THAP4: variants seen among roughly 807,000 people sequenced by gnomAD.
The protein encoded by THAP4 is peroxynitrite isomerase THAP4.
Under a neutral mutation model 48.1 loss-of-function variants are expected in THAP4, and 18 were observed. That is an observed-to-expected ratio of 0.37 (90% CI 0.26 to 0.56). The LOEUF (loss-of-function observed/expected upper bound fraction) is 0.56. Ranked by LOEUF, THAP4 falls within the 20% of genes least tolerant of loss-of-function variation. The pLI, the probability that THAP4 is intolerant of heterozygous loss-of-function variation, is 0.78. For synonymous variants in THAP4, 345 were observed against 324.9 expected (o/e 1.06, Z -0.66); for missense variants, 656 against 774.9 (o/e 0.85, Z 1.82).
intron 5 of THAP4, among the ~76,000 whole-genome samples, chr2:241,600,975 TA>T (rs35094187): frequency 0.34 from 49,086 of 145,704 alleles, 8,252 homozygotes; most frequent in South Asian, 0.46. Flanking sequence ...TACAAATCTT[TA>T]AAAAAAAAAA....
chr2:241,625,201 G>A (rs1479515278), intron 2 of THAP4, among the ~76,000 whole-genome samples: 2 of 152,136 alleles, frequency 1.3e-5, no homozygotes, highest in African/African-American at 4.8e-5. Context: ...CAGGCCGGGT[G>A]TGGTGGCTCA....
chr2:241,636,025 A>G (rs2067642436), intron 1 of THAP4, among the ~76,000 whole-genome samples: 1 of 152,156 alleles, frequency 6.6e-6, no homozygotes, highest in Admixed American at 6.5e-5. Flanking sequence ...CCGTTGCAAC[A>G]CGTTGCCTCG....
At chr2:241,611,628 G>C (rs544725791) in intron 2 of THAP4, among the ~76,000 whole-genome samples, 2 of 151,734 alleles carry the variant, frequency 1.3e-5, no homozygotes, top group African/African-American at 4.8e-5. Flanking sequence ...GGAGGCTGAG[G>C]CAGGAGAATG....
chr2:241,620,932 T>C (rs2067422571), intron 2 of THAP4, among the ~76,000 whole-genome samples: 1 of 151,992 alleles, frequency 6.6e-6, no homozygotes, highest in African/African-American at 2.4e-5. Flanking sequence ...CATGTCTACT[T>C]TGCAACCAAA....
At chr2:241,634,737 CTT>C (rs1250715442) in intron 1 of THAP4, among the ~76,000 whole-genome samples, 1 of 152,204 alleles carries the variant, frequency 6.6e-6, no homozygotes, top group Non-Finnish European at 1.5e-5. Flanking sequence ...CTTGAGGGTT[CTT>C]TGAGCCCAGA....
At position 241,610,351 on chromosome 2, in the gene THAP4, G is replaced by A. The variant is rs907292978; in HGVS notation, c.1241-3878C>T. ...TTGCGCCTGCGGGACCGGGAGGGCC[G>A]CGCTCGCCCCCCAGCGCCAGGGTCA... On this transcript the variant is annotated intron_variant, in intron 2 of 5. Transcript: ENST00000407315. This position sits in a 1 kb window ranked among gnomAD's most constrained non-coding sequence, Gnocchi z 4.2. Among the ~76,000 whole-genome samples the A allele has an allele frequency of 7.9e-5, 12 of 152,270 alleles. No individual in the cohort carries two copies. Among genetic ancestry groups the A allele is most frequent in the Non-Finnish European group, 1.5e-4 (10 of 68,002 alleles).
At chr2:241,604,164 C>T (rs1193146199) in intron 3 of THAP4, among the ~76,000 whole-genome samples, 1 of 152,164 alleles carries the variant, frequency 6.6e-6, no homozygotes, top group African/African-American at 2.4e-5. Flanking sequence ...ACCTCCGCTT[C>T]CTGGGTTGAA....
At chr2:241,620,830 G>C (rs2067421360) in intron 2 of THAP4, among the ~76,000 whole-genome samples, 1 of 152,058 alleles carries the variant, frequency 6.6e-6, no homozygotes, top group African/African-American at 2.4e-5. Flanking sequence ...GACTCTCTCA[G>C]CTCCATTATA....
At chr2:241,604,111 T>G (rs2067151006) in intron 3 of THAP4, among the ~76,000 whole-genome samples, 1 of 152,148 alleles carries the variant, frequency 6.6e-6, no homozygotes, top group Non-Finnish European at 1.5e-5. Flanking sequence ...TATTTATTTT[T>G]TTGCTCTGTC....
rs769419458 is a variant in THAP4 at position 241,633,435 on chromosome 2, G to A, written c.722C>T (p.Ser241Phe). ...TGGCCTTTCTCGGGTGTGCTTAGAG[G>A]AGAAACTGTACGAATGAAGTGAGCC... ...FIGSLHSYSF[S>F]SKHTRERPSV... Residue 241 changes from serine (S) to phenylalanine (F), a missense_variant, in exon 2 of 6, where the codon TCC (serine) becomes TTC (phenylalanine). This residue lies in a region of THAP4 where 391 missense variants were observed against 412.4 expected (regional missense o/e 0.95). Coordinates refer to ENST00000407315, the MANE Select transcript of THAP4 (RefSeq NM_015963.6). This position sits in a 1 kb window ranked among gnomAD's most constrained non-coding sequence, Gnocchi z 7.5. 5.0e-6 allele frequency: 8 copies of A among 1,613,976 alleles called. No individual in the cohort carries two copies. Among genetic ancestry groups the A allele is most frequent in the Non-Finnish European group, 5.1e-6 (6 of 1,180,016 alleles).
intron 1 of THAP4, among the ~76,000 whole-genome samples, chr2:241,634,784 T>C (rs1303017581): frequency 6.6e-6 from 1 of 152,214 alleles, no homozygotes; most frequent in Non-Finnish European, 1.5e-5. Flanking sequence ...ACTGCACCAC[T>C]GCTCCCCATC....
At chr2:241,585,912 C>CA (rs1175852721) in intron 5 of THAP4, among the ~76,000 whole-genome samples, 2,327 of 27,710 alleles carry the variant, frequency 0.084, 236 homozygotes, top group African/African-American at 0.22. Flanking sequence ...GACTCCTTCT[C>CA]AAAAAAAAAA....
chr2:241,635,460 G>A (rs1240027858), intron 1 of THAP4, among the ~76,000 whole-genome samples: 1 of 152,202 alleles, frequency 6.6e-6, no homozygotes, highest in Non-Finnish European at 1.5e-5. Flanking sequence ...CTGTGTTTAA[G>A]AACATAGGCC....
At chr2:241,615,411 C>A (rs36030965) in intron 2 of THAP4, among the ~76,000 whole-genome samples, 24,933 of 152,144 alleles carry the variant, frequency 0.16, 2,228 homozygotes, top group South Asian at 0.37. Context: ...AAACTAAAAG[C>A]ATTTTATCCC....
At chr2:241,592,722 C>T (rs1430964423) in intron 5 of THAP4, among the ~76,000 whole-genome samples, 2 of 152,150 alleles carry the variant, frequency 1.3e-5, no homozygotes, top group Admixed American at 6.5e-5. Context: ...TCCTCCAGAG[C>T]GAGGGGGAAA....
At position 241,632,818 on chromosome 2, in the gene THAP4, G is replaced by A. The variant is rs1256934879; in HGVS notation, c.1240+99C>T. On this transcript the variant is annotated intron_variant, in intron 2 of 5. Transcript: ENST00000407315. ...TTCCTCCTGAGAGCGCAGGGAGCTT[G>A]TGACACCTCCCAGAAATGCTCAGGG... 5 of 926,802 alleles carry A rather than the reference G, an allele frequency of 5.4e-6. No individual in the cohort carries two copies. In the African/African-American group the frequency reaches 8.3e-5, roughly 15 times the overall value. The allele number at this position is 926,802 out of a possible 1,614,324, so 57.4% of individuals were successfully genotyped here.
At chr2:241,632,591 T>G (rs1318369288) in intron 2 of THAP4, among the ~76,000 whole-genome samples, 1 of 152,240 alleles carries the variant, frequency 6.6e-6, no homozygotes, top group Admixed American at 6.5e-5. Flanking sequence ...GAATTTCTGT[T>G]GCATAAGGTA....
At chr2:241,599,610 A>G (rs1315072318) in intron 5 of THAP4, among the ~76,000 whole-genome samples, 1 of 152,240 alleles carries the variant, frequency 6.6e-6, no homozygotes. Flanking sequence ...AAGCTTTTCT[A>G]TATACTAAAA....
intron 5 of THAP4, among the ~76,000 whole-genome samples, chr2:241,585,433 G>C (rs1483917236): frequency 6.6e-6 from 1 of 152,014 alleles, no homozygotes; most frequent in Non-Finnish European, 1.5e-5. Flanking sequence ...GGATGAAACG[G>C]AGTTCTGCTT....
Sources: allele counts gnomAD v4.1 joint callset (sites outside exome capture counted in the v4.1 genomes callset), GRCh38; gene constraint gnomAD v4.1.1; regional missense constraint gnomAD v4.1.1; non-coding constraint Gnocchi (gnomAD v3.1); transcripts MANE v1.5; gene names NCBI Gene and HGNC (gene_info 2026-07-23, HGNC 2026-07-21).